Variants in DYNC1H1 observed in about 807,000 individuals in gnomAD.
DYNC1H1 encodes the protein dynein cytoplasmic 1 heavy chain 1.
A neutral mutation model predicts 527.1 loss-of-function variants in DYNC1H1; 51 were observed. The ratio of observed to expected loss-of-function variants is 0.10; its 90% confidence interval spans 0.08 to 0.12. DYNC1H1 has a LOEUF of 0.12. Ranked by LOEUF, DYNC1H1 falls within the 10% of genes least tolerant of loss-of-function variation. DYNC1H1 has a pLI of 1.00. For missense variants in DYNC1H1, 2,771 were observed against 5,971.8 expected (o/e 0.46, Z 17.66); for synonymous variants, 2,189 against 2,278.8 (o/e 0.96, Z 1.12).
rs1009037356 is a variant in DYNC1H1 at position 102,052,129 on chromosome 14, C to G, written c.*1566C>G. ...AGGTGTGAGTCACCGAGTTGAGCCC[C>G]TAAACACATGTTTTTCTTTTTAGAG... On this transcript the variant is annotated 3_prime_UTR_variant, in exon 78 of 78. Transcript: ENST00000360184. 6.6e-6 allele frequency: 1 copy of G among 151,336 alleles called. No individual in the cohort carries two copies. The highest frequency in any genetic ancestry group is 2.4e-5 in the African/African-American group (1 of 41,110). 9.4% of individuals were successfully genotyped at this position (151,336 alleles called of 1,614,324 possible).
chr14:101,988,082 A>C (rs1253402511), intron 9 of DYNC1H1, among the ~76,000 whole-genome samples: 4 of 152,112 alleles, frequency 2.6e-5, no homozygotes, highest in East Asian at 1.9e-4. Flanking sequence ...CACACACACA[A>C]AAAGAACCAA....
rs916899891 is a variant in DYNC1H1, at chr14:102,016,211, G to A, written c.7473+125G>A. ...CTAGGCGAGGCAGAGCCTTCGTTGA[G>A]GGGCTAGGAAAGGTGCAGTGGGTGT... On this transcript the variant is annotated intron_variant, in intron 36 of 77. Coordinates refer to ENST00000360184, the MANE Select transcript of DYNC1H1 (RefSeq NM_001376.5). This position sits in a 1 kb window ranked among gnomAD's most constrained non-coding sequence, Gnocchi z 7.3. 6.6e-6 allele frequency: 10 copies of A among 1,504,664 alleles called. No individual in the cohort carries two copies. The highest frequency in any genetic ancestry group is 8.1e-6 in the Non-Finnish European group (9 of 1,105,114). The allele number at this position is 1,504,664 out of a possible 1,614,324, so 93.2% of individuals were successfully genotyped here.
At position 102,039,403 on chromosome 14, in the gene DYNC1H1, T is replaced by TG. The variant is rs762712158; in HGVS notation, c.11461-9_11461-8insG. The TG allele has an allele frequency of 9.3e-6, 15 of 1,614,106 alleles. No individual in the cohort carries two copies. Among genetic ancestry groups the TG allele is most frequent in the Non-Finnish European group, 1.2e-5 (14 of 1,180,046 alleles). The stretch of plus-strand genomic sequence containing the variant: ...AGCTGCCTCACCGCTGCCCACTGCT[T>TG]CCTTTCAGATACACTTCTTGTACCA... On this transcript the variant is annotated splice_polypyrimidine_tract_variant and intron_variant, in intron 60 of 77. Transcript: ENST00000360184. The surrounding 1 kb of genome is among the most constrained non-coding windows in gnomAD (Gnocchi z 7.0).
At chr14:101,967,535 TTTG>T (rs1411332617) in intron 1 of DYNC1H1, among the ~76,000 whole-genome samples, 7 of 152,314 alleles carry the variant, frequency 4.6e-5, no homozygotes, top group African/African-American at 1.7e-4. Flanking sequence ...GCCATAAACT[TTTG>T]TTGTTAAAGT....
In DYNC1H1 at chr14:102,053,001, G is replaced by A. The variant is rs557808439; in HGVS notation, c.*2438G>A. 6.6e-6 allele frequency: 1 copy of A among 152,276 alleles called. No homozygotes were observed. Among genetic ancestry groups the A allele is most frequent in the Admixed American group, 6.5e-5 (1 of 15,292 alleles). The allele number at this position is 152,276 out of a possible 1,614,324, so 9.4% of individuals were successfully genotyped here. A position where few individuals can be genotyped will look rare whatever the true frequency, so the allele number is the denominator to read the frequency against. On this transcript the variant is annotated 3_prime_UTR_variant, in exon 78 of 78. Coordinates refer to ENST00000360184, the MANE Select transcript of DYNC1H1 (RefSeq NM_001376.5). ...GAATCGCCATCATAAAGATCTAAAA[G>A]CTGAGGACAAAAGTGTTTCTCAGTC...
chr14:102,029,951 G>A lies in DYNC1H1; in HGVS notation c.9762+13G>A. ...TGAAAAGAAGAAGGTATGGTGTCAG[G>A]GAATTCTGGCCTGTAAGGACTGAGC... On this transcript the variant is annotated intron_variant, in intron 50 of 77. Coordinates refer to ENST00000360184, the MANE Select transcript of DYNC1H1 (RefSeq NM_001376.5). The surrounding 1 kb of genome is among the most constrained non-coding windows in gnomAD (Gnocchi z 5.3). 1 of 1,614,040 alleles carries A rather than the reference G, an allele frequency of 6.2e-7. No individual in the cohort carries two copies. The highest frequency in any genetic ancestry group is 1.3e-5 in the African/African-American group (1 of 75,004).
chr14:101,967,704 G>A (rs982480269), intron 1 of DYNC1H1, among the ~76,000 whole-genome samples: 1 of 152,176 alleles, frequency 6.6e-6, no homozygotes, highest in Non-Finnish European at 1.5e-5. Context: ...GCCAGGCATG[G>A]TGGTGTATGC....
intron 5 of DYNC1H1, among the ~76,000 whole-genome samples, chr14:101,982,397 T>C (rs2047877869): frequency 6.6e-6 from 1 of 152,014 alleles, no homozygotes; most frequent in Non-Finnish European, 1.5e-5. Context: ...ATGGAGACCA[T>C]CCTGGCTAAC....
In DYNC1H1 at chr14:102,010,705, G is replaced by A. The variant is rs746731248; in HGVS notation, c.6406-35G>A. On this transcript the variant is annotated intron_variant, in intron 31 of 77. Transcript: ENST00000360184. The surrounding 1 kb of genome is among the most constrained non-coding windows in gnomAD (Gnocchi z 6.0). The stretch of plus-strand genomic sequence containing the variant: ...ATGCAGCGGGCAGTACTTGAGCCAT[G>A]CTGCGCTGCTCACAGCCCAGCCCTC... 2.5e-6 allele frequency: 4 copies of A among 1,610,648 alleles called. No individual in the cohort carries two copies. Among genetic ancestry groups the A allele is most frequent in the Non-Finnish European group, 8.5e-7 (1 of 1,178,706 alleles).
Position 102,050,084 on chromosome 14 carries a change from A to G in DYNC1H1, c.13698A>G (p.Gln4566=), listed in dbSNP as rs1480231690. 2.5e-6 allele frequency: 4 copies of G among 1,614,038 alleles called. No individual in the cohort carries two copies. Among genetic ancestry groups the G allele is most frequent in the East Asian group, 4.5e-5 (2 of 44,880 alleles). The change falls in exon 77 of 78, where the codon CAA becomes CAG. Residue 4566 remains glutamine (Q), a synonymous_variant. Coordinates refer to ENST00000360184, the MANE Select transcript of DYNC1H1 (RefSeq NM_001376.5). ...CSFGVTGLKL[Q]GATCNNNKLS... is the part of the protein sequence containing the mutation. Reference sequence around the variant, plus strand: ...TCCGCCTCACAGGTTTGAAACTTCAAGGGGCCACGTGCAACAACAACAAGC... The same window carrying G: ...TCCGCCTCACAGGTTTGAAACTTCAGGGGGCCACGTGCAACAACAACAAGC...
Position 102,029,812 on chromosome 14 carries a change from T to C in DYNC1H1, c.9643-7T>C, listed in dbSNP as rs780903072. On this transcript the variant is annotated splice_region_variant and splice_polypyrimidine_tract_variant and intron_variant, in intron 49 of 77. Transcript: ENST00000360184. The surrounding 1 kb of genome is among the most constrained non-coding windows in gnomAD (Gnocchi z 5.3). Reference sequence around the variant, plus strand: ...TCTCGTCTCTGAGTGTGGGCTTTGCTCTTTAGGTAGAAGAACTGCGTCGTG... The same window carrying C: ...TCTCGTCTCTGAGTGTGGGCTTTGCCCTTTAGGTAGAAGAACTGCGTCGTG... The C allele has an allele frequency of 2.5e-5, 41 of 1,614,128 alleles. 2 individuals are homozygous for C. The Middle Eastern group carries it at 6.6e-3, about 260-fold the overall frequency.
chr14:102,036,417 A>G lies in DYNC1H1; in HGVS notation c.10755-72A>G. 1.3e-6 allele frequency: 2 copies of G among 1,599,720 alleles called. No individual in the cohort carries two copies. Among genetic ancestry groups the G allele is most frequent in the Non-Finnish European group, 8.5e-7 (1 of 1,170,062 alleles). ...TATCAATCAGGGTCTCTCATCAGGGACTCGGCTAACCGTGATCCTGTGCTT... is the reference window on the plus strand; with the variant it reads ...TATCAATCAGGGTCTCTCATCAGGGGCTCGGCTAACCGTGATCCTGTGCTT... On this transcript the variant is annotated intron_variant, in intron 56 of 77. Coordinates refer to ENST00000360184, the MANE Select transcript of DYNC1H1 (RefSeq NM_001376.5). The surrounding 1 kb of genome is among the most constrained non-coding windows in gnomAD (Gnocchi z 5.6).
chr14:102,022,235 G>A (rs1195825443), intron 42 of DYNC1H1, among the ~76,000 whole-genome samples: 4 of 151,944 alleles, frequency 2.6e-5, no homozygotes, highest in African/African-American at 4.8e-5. Context: ...GGTGGCTCAC[G>A]CCTGTAATCC....
At chr14:101,975,668 T>C (rs2047792416) in intron 1 of DYNC1H1, 44 bp from the exon 2 acceptor site, 1 of 1,544,884 alleles carries the variant, frequency 6.5e-7, no homozygotes, top group Non-Finnish European at 8.9e-7. Flanking sequence ...AATAAGAAAT[T>C]GGAAATGTTG....
In DYNC1H1 at chr14:101,997,204, A is replaced by G. The variant is rs2141282700; in HGVS notation, c.3734A>G (p.Gln1245Arg). The change falls in exon 16 of 78, where the codon CAG (glutamine) becomes CGG (arginine). Residue 1245 changes from glutamine to arginine, a missense_variant. Gln to Arg is a conservative substitution (Grantham distance 43, BLOSUM62 1). Coordinates refer to ENST00000360184, the MANE Select transcript of DYNC1H1 (RefSeq NM_001376.5). This position sits in a 1 kb window ranked among gnomAD's most constrained non-coding sequence, Gnocchi z 4.8. ...QVANLQMKIV[Q>R]EDRAVESRTT... Reference sequence around the variant, plus strand: ...GCAAACCTGCAAATGAAGATTGTCCAGGAGGATCGGGCCGTGGAAAGCCGC... The same window carrying G: ...GCAAACCTGCAAATGAAGATTGTCCGGGAGGATCGGGCCGTGGAAAGCCGC... The G allele has an allele frequency of 6.2e-7, 1 of 1,614,142 alleles. No individual in the cohort carries two copies. Among genetic ancestry groups the G allele is most frequent in the Non-Finnish European group, 8.5e-7 (1 of 1,180,018 alleles).
Position 102,050,666 on chromosome 14 carries a change from G to A in DYNC1H1, c.*103G>A. Reference sequence around the variant, plus strand: ...CTGAGCTTGTGAAAAGAAAGTGGTTGGTCTGAGGTTGGAGGAAGCTGAATG... The same window carrying A: ...CTGAGCTTGTGAAAAGAAAGTGGTTAGTCTGAGGTTGGAGGAAGCTGAATG... On this transcript the variant is annotated 3_prime_UTR_variant, in exon 78 of 78. Coordinates refer to ENST00000360184, the MANE Select transcript of DYNC1H1 (RefSeq NM_001376.5). 1 of 1,582,788 alleles carries A rather than the reference G, an allele frequency of 6.3e-7. No individual in the cohort carries two copies. The highest frequency in any genetic ancestry group is 2.3e-5 in the East Asian group (1 of 44,362).
At chr14:102,031,316 C>T (rs17512663) in intron 51 of DYNC1H1, among the ~76,000 whole-genome samples, 2 of 152,180 alleles carry the variant, frequency 1.3e-5, no homozygotes, top group South Asian at 2.1e-4. Flanking sequence ...TCACTGTAGC[C>T]TCAGCCTTCC....
chr14:101,984,323 T>C (rs140391984), intron 7 of DYNC1H1, among the ~76,000 whole-genome samples: 2,562 of 151,272 alleles, frequency 0.017, 31 homozygotes, highest in South Asian at 0.043. Flanking sequence ...TTTTGAAAAC[T>C]TAACTACTTC....
chr14:102,021,150 G>A (rs2048379287), intron 42 of DYNC1H1, among the ~76,000 whole-genome samples: 1 of 152,158 alleles, frequency 6.6e-6, no homozygotes, highest in African/African-American at 2.4e-5. Context: ...GGTCGAGGCA[G>A]GAGGATCATT....
Sources: allele counts gnomAD v4.1 joint callset (sites outside exome capture counted in the v4.1 genomes callset), GRCh38; gene constraint gnomAD v4.1.1; non-coding constraint Gnocchi (gnomAD v3.1); transcripts MANE v1.5; gene names NCBI Gene and HGNC (gene_info 2026-07-23, HGNC 2026-07-21).